Variants in ABCB6 observed in about 807,000 individuals in gnomAD.
ABCB6 encodes the protein ATP binding cassette subfamily B member 6 (LAN blood group).
ABCB6 carries 87 observed loss-of-function variants against 99.4 expected under a neutral mutation model. That is an observed-to-expected ratio of 0.88 (90% confidence interval 0.74 to 1.05). The LOEUF (loss-of-function observed/expected upper bound fraction) is 1.05, where lower values mean the gene tolerates loss of function less well. ABCB6 is among the 50% of genes least tolerant of loss of function. ABCB6 has a pLI of 0.00. For synonymous variants in ABCB6, 482 were observed against 447.5 expected, an observed-to-expected ratio of 1.08 and a Z score of -0.97; for missense variants, 1,050 against 1,097.9, an observed-to-expected ratio of 0.96 and a Z score of 0.62.
Position 219,214,388 on chromosome 2 carries a change from C to T in ABCB6, c.1386+1G>A. The T allele has an allele frequency of 6.2e-7, 1 of 1,612,880 alleles. No individual in the cohort carries two copies. Among genetic ancestry groups the T allele is most frequent in the Non-Finnish European group, 8.5e-7 (1 of 1,178,846 alleles). On this transcript the variant is annotated splice_donor_variant, in intron 7 of 18. Coordinates refer to ENST00000265316, the MANE Select transcript of ABCB6 (RefSeq NM_005689.4). LOFTEE classifies it high-confidence loss of function. ...ACCACTGCCACCGGGCCCTCTGTTA[C>T]CGTCTCGAAGTTTAGCAGAGAGTCC...
In ABCB6 at chr2:219,210,016, C is replaced by T. The variant is rs1950554602; in HGVS notation, c.2451G>A (p.Val817=). The change falls in exon 19 of 19, where the codon GTG becomes GTA. Residue 817 remains valine (V), a synonymous_variant. Transcript: ENST00000265316. The part of the protein sequence containing the change: ...RHEALLSRGG[V]YADMWQLQQG... ...GCTGCAGCTGCCACATGTCAGCATA[C>T]ACCCCACCTCGGGACAACAGAGCCT... 1 of 1,614,140 alleles carries T rather than the reference C, an allele frequency of 6.2e-7. No individual in the cohort carries two copies. Among genetic ancestry groups the T allele is most frequent in the Non-Finnish European group, 8.5e-7 (1 of 1,180,018 alleles).
Position 219,214,510 on chromosome 2 carries a change from C to A in ABCB6, c.1277-12G>T. The stretch of plus-strand genomic sequence containing the variant: ...CACAATGGTCAGGGCTGGAGAGTGA[C>A]AGGATGGGGAGCAGAATAGGACATC... On this transcript the variant is annotated splice_polypyrimidine_tract_variant and intron_variant, in intron 6 of 18. Coordinates refer to ENST00000265316, the MANE Select transcript of ABCB6 (RefSeq NM_005689.4). 6.3e-7 allele frequency: 1 copy of A among 1,593,550 alleles called. No homozygotes were observed. The highest frequency in any genetic ancestry group is 8.6e-7 in the Non-Finnish European group (1 of 1,161,260).
At position 219,217,790 on chromosome 2, in the gene ABCB6, C is replaced by T; in HGVS notation, c.567G>A (p.Trp189Ter). The change falls in exon 2 of 19, where the codon TGG (tryptophan) becomes TGA (stop). Residue 189 changes from tryptophan to a stop codon, truncating the protein, a stop_gained. Coordinates refer to ENST00000265316, the MANE Select transcript of ABCB6 (RefSeq NM_005689.4). LOFTEE classifies it high-confidence loss of function. ...CTCCAGAGACCACATACCGCAGCAC[C>T]CACAGGCTAAACTGAACCTAGAATG... The part of the protein sequence containing the change: ...DLGQQVQFSL[W>*]VLRYVVSGGL... The T allele has an allele frequency of 6.2e-7, 1 of 1,612,204 alleles. No individual in the cohort carries two copies. The highest frequency in any genetic ancestry group is 2.2e-5 in the East Asian group (1 of 44,868).
At chr2:219,217,883 G>A in intron 1 of ABCB6, 76 bp from the exon 2 acceptor site, 1 of 1,548,422 alleles carries the variant, frequency 6.5e-7, no homozygotes, top group South Asian at 1.2e-5. Context: ...ATAGGGCCGG[G>A]GACTGGTGTC....
chr2:219,214,276 TCAAACATCACACA>T lies in ABCB6; in HGVS notation c.1386+100_1387-91del, dbSNP rs1441974243. 35 of 1,506,968 alleles carry T rather than the reference TCAAACATCACACA, an allele frequency of 2.3e-5. No individual in the cohort carries two copies. The African/African-American group carries it at 3.3e-4, about 14-fold the overall frequency. 93.3% of individuals were successfully genotyped at this position (1,506,968 alleles called of 1,614,324 possible). The stretch of plus-strand genomic sequence containing the variant: ...CAACTCTCAATCCTCCTTCCTGAGT[TCAAACATCACACA>T]CAAACATCACACCCCCAGCTCTCTG... On this transcript the variant is annotated intron_variant, in intron 7 of 18. Transcript: ENST00000265316.
At position 219,218,785 on chromosome 2, in the gene ABCB6, G is replaced by C; in HGVS notation, c.-112C>G. 8.1e-7 allele frequency: 1 copy of C among 1,229,468 alleles called. No individual in the cohort carries two copies. The highest frequency in any genetic ancestry group is 1.1e-6 in the Non-Finnish European group (1 of 914,934). 76.2% of individuals were successfully genotyped at this position (1,229,468 alleles called of 1,614,324 possible). Reference sequence around the variant, plus strand: ...GGTGCCTTGGCTCACGTAGCCGCTGGGCGCCAAGCTGCGGGGGTCCCGGGA... The same window carrying C: ...GGTGCCTTGGCTCACGTAGCCGCTGCGCGCCAAGCTGCGGGGGTCCCGGGA... On this transcript the variant is annotated 5_prime_UTR_variant, in exon 1 of 19. Transcript: ENST00000265316.
chr2:219,214,775 C>A, intron 6 of ABCB6, 186 bp downstream of exon 6: 1 of 687,038 alleles, frequency 1.5e-6, no homozygotes, highest in Non-Finnish European at 2.4e-6. Flanking sequence ...CTTCCCCAGC[C>A]CCTCAGCTAG....
chr2:219,212,832 G>A (rs1416822297), intron 13 of ABCB6, among the ~76,000 whole-genome samples, 176 bp downstream of exon 13: 5 of 152,188 alleles, frequency 3.3e-5, no homozygotes, highest in African/African-American at 1.2e-4. Context: ...GAGGCCCACT[G>A]GCTTTTGAGG....
At chr2:219,217,104 A>G (rs1217605776) in intron 2 of ABCB6, among the ~76,000 whole-genome samples, 2 of 152,216 alleles carry the variant, frequency 1.3e-5, no homozygotes, top group African/African-American at 2.4e-5. Flanking sequence ...CATGCCTGTA[A>G]TCCCAGCACT....
Position 219,216,406 on chromosome 2 carries a change from C to G in ABCB6, c.928G>C (p.Val310Leu), listed in dbSNP as rs13018099. 11 of 1,613,918 alleles carry G rather than the reference C, an allele frequency of 6.8e-6. No homozygotes were observed. The East Asian group carries it at 2.2e-4, about 33-fold the overall frequency. ...NSLAWTVTSY[V>L]FLKFLQGGGT... ...CCCCCCTGGAGGAACTTGAGGAAGACGTAACTGGTAACAGTCCAGGCCAGA... is the reference window on the plus strand; with the variant it reads ...CCCCCCTGGAGGAACTTGAGGAAGAGGTAACTGGTAACAGTCCAGGCCAGA... Residue 310 changes from valine to leucine, a missense_variant, in exon 4 of 19, where the codon GTC (valine) becomes CTC (leucine). By Grantham distance (32) the Val-to-Leu change is conservative (BLOSUM62 1). Transcript: ENST00000265316. The surrounding 1 kb of genome is among the most constrained non-coding windows in gnomAD (Gnocchi z 4.2).
Position 219,209,892 on chromosome 2 carries a change from A to C in ABCB6, c.*46T>G, listed in dbSNP as rs988296057. The C allele has an allele frequency of 2.9e-6, 4 of 1,395,476 alleles. No individual in the cohort carries two copies. Among genetic ancestry groups the C allele is most frequent in the Non-Finnish European group, 4.1e-6 (4 of 980,686 alleles). 86.4% of individuals were successfully genotyped at this position (1,395,476 alleles called of 1,614,324 possible). ...AAGCCAGGGAAAGGAGACACATCTT[A>C]TTCCCTTCTGGGTTAGTCTTTGAGA... is the stretch of plus-strand genomic sequence containing the variant. On this transcript the variant is annotated 3_prime_UTR_variant, in exon 19 of 19. Coordinates refer to ENST00000265316, the MANE Select transcript of ABCB6 (RefSeq NM_005689.4).
At chr2:219,210,559 A>C in intron 16 of ABCB6, 84 bp from the exon 17 acceptor site, 1 of 1,589,346 alleles carries the variant, frequency 6.3e-7, no homozygotes, top group Non-Finnish European at 8.6e-7. Context: ...AGGCCTCAAG[A>C]ATACACAAGA....
intron 14 of ABCB6, among the ~76,000 whole-genome samples, chr2:219,211,621 C>CTTTTTTTTTTTTTTTTTTTTTTT (rs34408255): frequency 1.1e-5 from 1 of 87,860 alleles, no homozygotes; most frequent in Non-Finnish European, 2.3e-5. Flanking sequence ...ATCGTTGTAC[C>CTTTTTTTTTTTTTTTTTTTTTTT]TTTTTTTTTT....
chr2:219,214,626 G>C (rs1950617725), intron 6 of ABCB6, 128 bp from the exon 7 acceptor site: 4 of 718,176 alleles, frequency 5.6e-6, no homozygotes, highest in Non-Finnish European at 9.6e-6. Context: ...AGATTCCACA[G>C]GGAGGCACCT....
rs765053930 is a variant in ABCB6 at position 219,218,721 on chromosome 2, G to T, written c.-48C>A. 7.4e-6 allele frequency: 11 copies of T among 1,495,876 alleles called. No individual in the cohort carries two copies. The highest frequency in any genetic ancestry group is 9.8e-6 in the Non-Finnish European group (11 of 1,122,490). The allele number at this position is 1,495,876 out of a possible 1,614,324, so 92.7% of individuals were successfully genotyped here. ...AGGCTGCGGGCACTGCGGGACCGGA[G>T]GCCGGGACTGGTCACTCGGAGAGGG... On this transcript the variant is annotated 5_prime_UTR_variant, in exon 1 of 19. Coordinates refer to ENST00000265316, the MANE Select transcript of ABCB6 (RefSeq NM_005689.4).
intron 6 of ABCB6, 161 bp from the exon 7 acceptor site, chr2:219,214,659 T>C (rs1442569331): frequency 1.1e-5 from 7 of 650,882 alleles, no homozygotes; most frequent in South Asian, 1.9e-5. Context: ...CAAAGTCTCA[T>C]GTGTAGAAAA....
rs1559237014 is a variant in ABCB6, at chr2:219,214,501, G to A, written c.1277-3C>T. ...CTCAGTGACCACAATGGTCAGGGCTGGAGAGTGACAGGATGGGGAGCAGAA... is the reference window on the plus strand; with the variant it reads ...CTCAGTGACCACAATGGTCAGGGCTAGAGAGTGACAGGATGGGGAGCAGAA... On this transcript the variant is annotated splice_polypyrimidine_tract_variant and splice_region_variant and intron_variant, in intron 6 of 18. Coordinates refer to ENST00000265316, the MANE Select transcript of ABCB6 (RefSeq NM_005689.4). 1.9e-6 allele frequency: 3 copies of A among 1,608,388 alleles called. No individual in the cohort carries two copies. Among genetic ancestry groups the A allele is most frequent in the Non-Finnish European group, 2.6e-6 (3 of 1,174,782 alleles).
In ABCB6 at chr2:219,213,838, C is replaced by T; in HGVS notation, c.1566G>A (p.Glu522=). The change falls in exon 9 of 19, where the codon GAG becomes GAA. Residue 522 remains glutamate, a synonymous_variant. Transcript: ENST00000265316. Reference sequence around the variant, plus strand: ...GATCCTGCCTCACCTGTAGCTTCTGCTCAGTGACAAAGTATGCGCAAAGCA... The same window carrying T: ...GATCCTGCCTCACCTGTAGCTTCTGTTCAGTGACAAAGTATGCGCAAAGCA... ...GSLLCAYFVT[E]QKLQVGDYVL... 1.2e-6 allele frequency: 2 copies of T among 1,614,146 alleles called. No individual in the cohort carries two copies. Among genetic ancestry groups the T allele is most frequent in the Non-Finnish European group, 8.5e-7 (1 of 1,180,034 alleles).
rs1424067781 is a variant in ABCB6 at position 219,216,859 on chromosome 2, G to T, written c.688-27C>A. On this transcript the variant is annotated intron_variant, in intron 2 of 18. Transcript: ENST00000265316. The surrounding 1 kb of genome is among the most constrained non-coding windows in gnomAD (Gnocchi z 4.2). ...TAGGATGGTGAAACACGTAGGAAGG[G>T]AGCTCAGAAATCAAGTAAGTGCACT... The T allele has an allele frequency of 1.9e-6, 3 of 1,590,404 alleles. No homozygotes were observed. The African/African-American group carries it at 4.0e-5, about 21-fold the overall frequency.
Sources: allele counts gnomAD v4.1 joint callset (sites outside exome capture counted in the v4.1 genomes callset), GRCh38; gene constraint gnomAD v4.1.1; non-coding constraint Gnocchi (gnomAD v3.1); transcripts MANE v1.5; gene names NCBI Gene and HGNC (gene_info 2026-07-23, HGNC 2026-07-21).